The following LGSN variants were observed in gnomAD, a reference collection of about 807,000 sequenced individuals.
LGSN encodes the protein lengsin, lens protein with glutamine synthetase domain.
In LGSN, 21 loss-of-function variants were observed where a neutral mutation model predicts 19.5. That is an observed-to-expected ratio of 1.07 (90% CI 0.76 to 1.55). The LOEUF (loss-of-function observed/expected upper bound fraction) is 1.55. Ranked by LOEUF, LGSN falls within the 40% of genes most tolerant of loss-of-function variation. LGSN has a pLI of 0.00. For synonymous variants in LGSN, 257 were observed against 215.6 expected (o/e 1.19, Z -1.68); for missense variants, 673 against 608.5 (o/e 1.11, Z -1.12).
the LGSN span, among the ~76,000 whole-genome samples, chr6:63,328,311 G>A: frequency 6.6e-6 from 1 of 152,194 alleles, no homozygotes; most frequent in Non-Finnish European, 1.5e-5. Flanking sequence ...ACTATAATTT[G>A]TTGGCAGTCA....
the LGSN span, among the ~76,000 whole-genome samples, chr6:63,432,487 C>T: frequency 1.1e-4 from 16 of 151,918 alleles, no homozygotes; most frequent in Non-Finnish European, 1.8e-4. Flanking sequence ...ATCAGGAGAT[C>T]GAGACCATCC....
At chr6:63,360,920 A>T in the LGSN span, among the ~76,000 whole-genome samples, 1 of 152,124 alleles carries the variant, frequency 6.6e-6, no homozygotes, top group Non-Finnish European at 1.5e-5. Flanking sequence ...CCAGAGGTCC[A>T]CTCCAGACCC....
At chr6:63,482,907 G>T in the LGSN span, among the ~76,000 whole-genome samples, 1 of 152,066 alleles carries the variant, frequency 6.6e-6, no homozygotes, top group Non-Finnish European at 1.5e-5. Flanking sequence ...CGCCATGTTG[G>T]CCAGGCTGGT....
the LGSN span, among the ~76,000 whole-genome samples, chr6:63,522,365 T>TTCTAGTTAAA: frequency 6.6e-6 from 1 of 152,216 alleles, no homozygotes; most frequent in African/African-American, 2.4e-5. Context: ...GCTAAAAACA[T>TTCTAGTTAAA]TCTAGTTAAA....
chr6:63,315,295 C>A (rs934175683), intron 1 of LGSN, among the ~76,000 whole-genome samples: 2 of 152,218 alleles, frequency 1.3e-5, no homozygotes, highest in South Asian at 4.1e-4. Context: ...GTCAGCAAGA[C>A]CTGATGGTAA....
At position 63,280,930 on chromosome 6, in the gene LGSN, G is replaced by C; in HGVS notation, c.621C>G (p.Ile207Met). 2 of 1,614,072 alleles carry C rather than the reference G, an allele frequency of 1.2e-6. No individual in the cohort carries two copies. Among genetic ancestry groups the C allele is most frequent in the East Asian group, 2.2e-5 (1 of 44,872 alleles). ...ASGFSLLSAF[I>M]YDFCIFGVPE... is the part of the protein sequence containing the mutation. ...GCACACCAAAAATGCAAAAATCATAGATGAAAGCAGAAAGCAGGGAAAAGC... is the reference window on the plus strand; with the variant it reads ...GCACACCAAAAATGCAAAAATCATACATGAAAGCAGAAAGCAGGGAAAAGC... Residue 207 changes from isoleucine (I) to methionine (M), a missense_variant, in exon 4 of 4, where the codon ATC becomes ATG. Physicochemically the swap from Ile to Met is conservative, Grantham distance 10. Coordinates refer to ENST00000370657, the MANE Select transcript of LGSN (RefSeq NM_016571.3).
the LGSN span, among the ~76,000 whole-genome samples, chr6:63,434,439 C>CAAA: frequency 9.4e-6 from 1 of 106,012 alleles, no homozygotes; most frequent in African/African-American, 3.8e-5. Flanking sequence ...GACTCCATCT[C>CAAA]AAAAAAAAAA....
At chr6:63,542,877 C>T in the LGSN span, among the ~76,000 whole-genome samples, 2 of 152,190 alleles carry the variant, frequency 1.3e-5, no homozygotes, top group Non-Finnish European at 2.9e-5. Context: ...GATCATGTCT[C>T]CTAAACTACT....
the LGSN span, chr6:63,441,554 G>T: frequency 4.6e-6 from 2 of 431,096 alleles, no homozygotes; most frequent in Non-Finnish European, 8.9e-6. Flanking sequence ...AGGCAGCAGG[G>T]TTGGAAGTAG....
chr6:63,441,304 C>T, the LGSN span: 1 of 464,664 alleles, frequency 2.2e-6, no homozygotes, highest in African/African-American at 2.0e-5. Context: ...CAGCACCCAC[C>T]AGCAGACTTG....
At chr6:63,408,744 A>G in the LGSN span, among the ~76,000 whole-genome samples, 6 of 151,632 alleles carry the variant, frequency 4.0e-5, no homozygotes, top group Non-Finnish European at 7.4e-5. Flanking sequence ...TGAACAGGCA[A>G]CCTACAAAAT....
chr6:63,454,074 A>G, the LGSN span, among the ~76,000 whole-genome samples: 3 of 152,176 alleles, frequency 2.0e-5, no homozygotes, highest in African/African-American at 7.2e-5. Flanking sequence ...CTCTCCATTC[A>G]GCCTGTTTCC....
chr6:63,285,311 G>A (rs1420015146), intron 3 of LGSN, among the ~76,000 whole-genome samples: 1 of 152,066 alleles, frequency 6.6e-6, no homozygotes, highest in Non-Finnish European at 1.5e-5. Context: ...ATTCTGTAGA[G>A]CAAAATTATT....
In LGSN at chr6:63,280,179, T is replaced by A; in HGVS notation, c.1372A>T (p.Lys458Ter). Residue 458 changes from lysine to a stop codon, truncating the protein, a stop_gained, in exon 4 of 4, where the codon AAA (lysine) becomes TAA (stop). Coordinates refer to ENST00000370657, the MANE Select transcript of LGSN (RefSeq NM_016571.3). LOFTEE classifies it high-confidence loss of function. The part of the protein sequence containing the change: ...YQVEPSEIPL[K>*]LEDALVALEE... ...AGTGCCACAAGGGCATCTTCTAGTT[T>A]TAAAGGGATCTCAGAAGGTTCCACT... 1 of 1,614,226 alleles carries A rather than the reference T, an allele frequency of 6.2e-7. No individual in the cohort carries two copies. The highest frequency in any genetic ancestry group is 8.5e-7 in the Non-Finnish European group (1 of 1,180,046).
chr6:63,285,440 G>T, intron 3 of LGSN, 147 bp downstream of exon 3: 1 of 649,420 alleles, frequency 1.5e-6, no homozygotes, highest in Non-Finnish European at 2.5e-6. Flanking sequence ...ATGTGTTTGG[G>T]AGGAACAAGG....
At chr6:63,528,124 A>T in the LGSN span, 1 of 152,166 alleles carries the variant, frequency 6.6e-6, no homozygotes, top group Non-Finnish European at 1.5e-5. Flanking sequence ...TTCTCATCTT[A>T]AAGCCATAGA....
chr6:63,280,304 G>T lies in LGSN; in HGVS notation c.1247C>A (p.Pro416His), dbSNP rs756054217. 1.2e-6 allele frequency: 2 copies of T among 1,614,180 alleles called. No individual in the cohort carries two copies. The highest frequency in any genetic ancestry group is 1.1e-5 in the South Asian group (1 of 91,080). The change falls in exon 4 of 4, where the codon CCT (proline) becomes CAT (histidine). Residue 416 changes from proline to histidine, a missense_variant. By Grantham distance (77) the Pro-to-His change is moderately conservative. Coordinates refer to ENST00000370657, the MANE Select transcript of LGSN (RefSeq NM_016571.3). The stretch of plus-strand genomic sequence containing the variant: ...AACAGTTGCAGCCAGCACCAAGTAA[G>T]GGTTTGCTGTTGCTGAGCCTAGTTT... ...ENKLGSATAN[P>H]YLVLAATVAA...
the LGSN span, among the ~76,000 whole-genome samples, chr6:63,414,921 A>T: frequency 6.6e-6 from 1 of 151,864 alleles, no homozygotes; most frequent in South Asian, 2.1e-4. Flanking sequence ...TTTAAAAAAA[A>T]TTAAATTAAA....
chr6:63,355,888 A>T, the LGSN span, among the ~76,000 whole-genome samples: 1 of 152,112 alleles, frequency 6.6e-6, no homozygotes, highest in Non-Finnish European at 1.5e-5. Flanking sequence ...CATGTTACTC[A>T]TGCTGGTTGT....
Sources: allele counts gnomAD v4.1 joint callset (sites outside exome capture counted in the v4.1 genomes callset), GRCh38; gene constraint gnomAD v4.1.1; transcripts MANE v1.5; gene names NCBI Gene and HGNC (gene_info 2026-07-23, HGNC 2026-07-21).